Variants in SORCS2 observed in about 807,000 individuals in gnomAD.
The protein encoded by SORCS2 is sortilin related VPS10 domain containing receptor 2.
A neutral mutation model predicts 141.6 loss-of-function variants in SORCS2; 100 were observed. The observed-to-expected ratio is 0.71, with a 90% CI of 0.60 to 0.83. SORCS2 has a LOEUF of 0.83. Ranked by LOEUF, SORCS2 falls within the 40% of genes least tolerant of loss-of-function variation. The pLI, the probability that SORCS2 is intolerant of heterozygous loss-of-function variation, is 0.00. For missense variants in SORCS2, 1,646 were observed against 1,560.2 expected (o/e 1.05, Z -0.93); for synonymous variants, 789 against 676.9 (o/e 1.17, Z -2.57).
intron 24 of SORCS2, among the ~76,000 whole-genome samples, 178 bp from the exon 25 acceptor site, chr4:7,734,094 G>A (rs541513227): frequency 6.6e-6 from 1 of 151,664 alleles, no homozygotes; most frequent in East Asian, 2.0e-4. Context: ...GAAGGGCTGG[G>A]GAGGGAATGG....
rs1417891177 is a variant in SORCS2 at position 7,192,724 on chromosome 4, G to A, written c.78G>A (p.Pro26=). Reference sequence around the variant, plus strand: ...GAGCCCCGAGCCCCGGGGCTCCGCCGCCGCCGCGCTCGCCGCGCTCGCGGC... The same window carrying A: ...GAGCCCCGAGCCCCGGGGCTCCGCCACCGCCGCGCTCGCCGCGCTCGCGGC... ...TARAPSPGAP[P]PPRSPRSRPL... is the part of the protein sequence containing the mutation. Residue 26 remains proline, a synonymous_variant, in exon 1 of 27, where the codon CCG becomes CCA. Transcript: ENST00000507866. The surrounding 1 kb of genome is among the most constrained non-coding windows in gnomAD (Gnocchi z 4.0). 12 of 989,936 alleles carry A rather than the reference G, an allele frequency of 1.2e-5. No homozygotes were observed. The East Asian group carries it at 1.3e-3, about 110-fold the overall frequency. The allele number at this position is 989,936 out of a possible 1,614,324, so 61.3% of individuals were successfully genotyped here.
At chr4:7,392,523 G>A (rs185743640) in intron 1 of SORCS2, among the ~76,000 whole-genome samples, 336 of 152,304 alleles carry the variant, frequency 2.2e-3, no homozygotes, top group African/African-American at 7.7e-3. Context: ...GCTCACGGGG[G>A]TTTAGGGGTG....
At chr4:7,367,097 C>T (rs1721945470) in intron 1 of SORCS2, among the ~76,000 whole-genome samples, 1 of 152,186 alleles carries the variant, frequency 6.6e-6, no homozygotes, top group Admixed American at 6.5e-5. Context: ...ACAAGATCCC[C>T]AAAGGGGAGC....
chr4:7,622,907 G>A (rs965236781), intron 3 of SORCS2, among the ~76,000 whole-genome samples: 1 of 152,048 alleles, frequency 6.6e-6, no homozygotes, highest in African/African-American at 2.4e-5. Flanking sequence ...CCATTGTTCA[G>A]TTCACCCACT....
intron 1 of SORCS2, among the ~76,000 whole-genome samples, chr4:7,343,243 T>C (rs563798705): frequency 2.7e-4 from 41 of 152,316 alleles, no homozygotes; most frequent in African/African-American, 9.6e-4. Context: ...CAAGGGCCCA[T>C]ACCACATCGT....
At chr4:7,723,597 CAATG>C (rs1194754841) in intron 18 of SORCS2, 96 bp from the exon 19 acceptor site, 11 of 1,329,794 alleles carry the variant, frequency 8.3e-6, no homozygotes, top group African/African-American at 1.5e-5. Flanking sequence ...GGGAGGGCGG[CAATG>C]AATGAATGAG....
At chr4:7,283,483 G>T (rs1157309144) in intron 1 of SORCS2, among the ~76,000 whole-genome samples, 3 of 152,198 alleles carry the variant, frequency 2.0e-5, no homozygotes, top group Non-Finnish European at 4.4e-5. Flanking sequence ...GAGCCTCAGG[G>T]CGGGGGTCTG....
intron 1 of SORCS2, among the ~76,000 whole-genome samples, chr4:7,388,553 G>A (rs375675849): frequency 2.6e-5 from 4 of 151,988 alleles, no homozygotes; most frequent in South Asian, 2.1e-4. Flanking sequence ...ATCCCTCCCC[G>A]CTTCCCCACC....
At chr4:7,360,040 A>G (rs1452185397) in intron 1 of SORCS2, among the ~76,000 whole-genome samples, 1 of 152,214 alleles carries the variant, frequency 6.6e-6, no homozygotes, top group African/African-American at 2.4e-5. Flanking sequence ...TAAAACAATT[A>G]CATGCATTAT....
At chr4:7,717,977 C>G in intron 17 of SORCS2, 35 bp from the exon 18 acceptor site, 1 of 1,558,448 alleles carries the variant, frequency 6.4e-7, no homozygotes, top group Non-Finnish European at 8.7e-7. Flanking sequence ...TGCCACCTGT[C>G]TGAAGCGGAC....
intron 2 of SORCS2, 90 bp downstream of exon 2, chr4:7,396,445 A>G: frequency 7.4e-7 from 1 of 1,355,512 alleles, no homozygotes; most frequent in Admixed American, 2.0e-5. Context: ...CAAACACCTC[A>G]CTGTGGCAGC....
rs926289189 is a variant in SORCS2 at position 7,534,854 on chromosome 4, G to A, written c.648+3225G>A. ...ATGAATTTCTATTGCTTCAAGCCAC[G>A]GAGTGCATGGTGATTTGTTGCAGCA... On this transcript the variant is annotated intron_variant, in intron 3 of 26. Transcript: ENST00000507866. Among the ~76,000 whole-genome samples the A allele has an allele frequency of 4.6e-5, 7 of 152,232 alleles. 1 individual carries two copies. The highest frequency in any genetic ancestry group is 3.3e-4 in the Admixed American group (5 of 15,288).
intron 21 of SORCS2, 131 bp downstream of exon 21, chr4:7,727,034 G>A (rs1339222292): frequency 6.8e-6 from 8 of 1,170,376 alleles, no homozygotes; most frequent in Admixed American, 2.8e-5. Context: ...GGGAGGGAGG[G>A]GCTGGATAAA....
intron 2 of SORCS2, among the ~76,000 whole-genome samples, chr4:7,507,253 C>T (rs1224770529): frequency 6.6e-6 from 1 of 152,162 alleles, no homozygotes; most frequent in African/African-American, 2.4e-5. Flanking sequence ...CAGTTCACTG[C>T]AACCTCTGCC....
intron 1 of SORCS2, among the ~76,000 whole-genome samples, chr4:7,376,836 G>A (rs1018382755): frequency 5.3e-5 from 8 of 152,144 alleles, no homozygotes; most frequent in Non-Finnish European, 1.0e-4. Context: ...AAAACAGCAG[G>A]CATTTCTAAT....
At chr4:7,205,524 T>A (rs1042744793) in intron 1 of SORCS2, among the ~76,000 whole-genome samples, 1 of 152,250 alleles carries the variant, frequency 6.6e-6, no homozygotes, top group Non-Finnish European at 1.5e-5. Context: ...TAAGCCATAC[T>A]TTGAGATCGA....
At chr4:7,478,422 C>T (rs946150053) in intron 2 of SORCS2, among the ~76,000 whole-genome samples, 1 of 152,054 alleles carries the variant, frequency 6.6e-6, no homozygotes, top group South Asian at 2.1e-4. Flanking sequence ...CCCCCACCGT[C>T]CCCACCCGTA....
At chr4:7,396,254 G>A in intron 1 of SORCS2, 34 bp from the exon 2 acceptor site, 7 of 1,609,232 alleles carry the variant, frequency 4.3e-6, no homozygotes, top group Middle Eastern at 1.7e-4. Flanking sequence ...GGCACCCACT[G>A]ATTTCTGCCT....
chr4:7,652,318 C>G (rs1003793266), intron 4 of SORCS2, among the ~76,000 whole-genome samples: 3 of 152,204 alleles, frequency 2.0e-5, no homozygotes, highest in African/African-American at 4.8e-5. Context: ...CTTCACCTGG[C>G]ATTTCCAAAA....
Sources: gnomAD v4.1 joint callset for allele counts (sites outside exome capture counted in the v4.1 genomes callset) on GRCh38, gnomAD v4.1.1 for gene constraint, Gnocchi (gnomAD v3.1) non-coding constraint, MANE v1.5 for transcripts, NCBI Gene and HGNC (gene_info 2026-07-23, HGNC 2026-07-21) for gene names.